MRPS25: variants seen among roughly 807,000 people sequenced by gnomAD.
MRPS25 encodes the protein mitochondrial ribosomal protein S25, also known as small ribosomal subunit protein mS25.
In MRPS25, 15 loss-of-function variants were observed where a neutral mutation model predicts 17.3. The ratio of observed to expected loss-of-function variants is 0.87; its 90% CI spans 0.58 to 1.34. MRPS25 has a LOEUF of 1.34. MRPS25 is among the 40% of genes most tolerant of loss of function. The pLI, the probability that MRPS25 is intolerant of heterozygous loss-of-function variation, is 0.00. For synonymous variants in MRPS25, 94 were observed against 83.3 expected, an observed-to-expected ratio of 1.13 and a Z score of -0.70; for missense variants, 225 against 218.6, an observed-to-expected ratio of 1.03 and a Z score of -0.19.
chr3:15,048,448 T>C (rs2042533223), downstream of MRPS25: 2 of 152,546 alleles, frequency 1.3e-5, no homozygotes, highest in Non-Finnish European at 2.9e-5. Flanking sequence ...GGGAGAAAAA[T>C]GTCAGATATT....
downstream of MRPS25, chr3:15,043,183 T>C: frequency 2.2e-6 from 1 of 456,886 alleles, no homozygotes; most frequent in Non-Finnish European, 3.7e-6. Flanking sequence ...AGTAGGATCC[T>C]TTCCTGACAT....
chr3:15,043,105 A>G (rs191787665), downstream of MRPS25: 39 of 1,177,406 alleles, frequency 3.3e-5, no homozygotes, highest in African/African-American at 5.4e-4. Flanking sequence ...AAATATTTCC[A>G]TATGTTAGCC....
rs891645719 is a variant in MRPS25, at chr3:15,048,534, TATTG to T, written c.*3903_*3906del. On this transcript the variant is annotated 3_prime_UTR_variant, in exon 4 of 4. Coordinates refer to ENST00000253686, the MANE Select transcript of MRPS25 (RefSeq NM_022497.5). ...AAATAGAAAAAAAATGTTCAACATT[TATTG>T]ATTGATAGACTGTTAAAATTTAATG... is the stretch of plus-strand genomic sequence containing the variant. The T allele has an allele frequency of 7.4e-4, 113 of 152,768 alleles. No homozygotes were observed. Among genetic ancestry groups the T allele is most frequent in the African/African-American group, 2.6e-3 (109 of 41,576 alleles). 9.5% of individuals were successfully genotyped at this position (152,768 alleles called of 1,614,324 possible).
intron 2 of MRPS25, among the ~76,000 whole-genome samples, chr3:15,054,711 T>C (rs1301522876): frequency 1.3e-5 from 2 of 152,132 alleles, no homozygotes; most frequent in African/African-American, 4.8e-5. Flanking sequence ...ACTCTATAAA[T>C]TGAAAAATCA....
rs772420860 is a variant in MRPS25, at chr3:15,065,177, G to A, written c.18C>T (p.Arg6=). MPMKG[R]FPIRRTLQYL... is the part of the protein sequence containing the mutation. ...ATTGCAGGGTGCGGCGGATGGGGAA[G>A]CGGCCCTTCATGGGCATGGCGGCAA... The change falls in exon 1 of 4, where the codon CGC becomes CGT. Residue 6 remains arginine (R), a synonymous_variant. Coordinates refer to ENST00000253686, the MANE Select transcript of MRPS25 (RefSeq NM_022497.5). 7.5e-6 allele frequency: 12 copies of A among 1,604,116 alleles called. No individual in the cohort carries two copies. Among genetic ancestry groups the A allele is most frequent in the Non-Finnish European group, 8.5e-6 (10 of 1,175,830 alleles).
chr3:15,045,082 CA>C (rs746486112), downstream of MRPS25: 1 of 152,108 alleles, frequency 6.6e-6, no homozygotes, highest in Non-Finnish European at 1.5e-5. Context: ...GACAAAAAAC[CA>C]GCTGAGACAA....
At chr3:15,064,354 A>C (rs1481982041) in intron 1 of MRPS25, among the ~76,000 whole-genome samples, 2 of 152,096 alleles carry the variant, frequency 1.3e-5, no homozygotes, top group East Asian at 3.9e-4. Context: ...CTCTGCTCCA[A>C]GCTGAAAGAC....
downstream of MRPS25, chr3:15,045,715 T>C (rs770340370): frequency 3.9e-5 from 6 of 152,660 alleles, no homozygotes; most frequent in Non-Finnish European, 5.9e-5. Flanking sequence ...AACCAAATAT[T>C]TGGGCTCCAA....
chr3:15,065,251 A>C lies in MRPS25; in HGVS notation c.-57T>G. On this transcript the variant is annotated 5_prime_UTR_variant, in exon 1 of 4. Coordinates refer to ENST00000253686, the MANE Select transcript of MRPS25 (RefSeq NM_022497.5). ...GCCGCGAGCCGAGCAGCGACGAGAA[A>C]GGACTAGCTAGCACCCGCGCGGATC... The C allele has an allele frequency of 1.3e-6, 2 of 1,515,952 alleles. No individual in the cohort carries two copies. The highest frequency in any genetic ancestry group is 1.8e-6 in the Non-Finnish European group (2 of 1,132,006). The allele number at this position is 1,515,952 out of a possible 1,614,324, so 93.9% of individuals were successfully genotyped here.
rs753017884 is a variant in MRPS25, at chr3:15,049,353, G to A, written c.*3088C>T. 6 of 154,360 alleles carry A rather than the reference G, an allele frequency of 3.9e-5. No homozygotes were observed. Among genetic ancestry groups the A allele is most frequent in the Admixed American group, 6.5e-5 (1 of 15,312 alleles). 9.6% of individuals were successfully genotyped at this position (154,360 alleles called of 1,614,324 possible). ...ACAATGCAGCGCTCTCTTGTGTTAT[G>A]GACATGAAGCATCCTGGTGGTCCTG... On this transcript the variant is annotated 3_prime_UTR_variant, in exon 4 of 4. Transcript: ENST00000253686.
At chr3:15,058,894 A>T (rs1178474685) in intron 2 of MRPS25, among the ~76,000 whole-genome samples, 1 of 151,902 alleles carries the variant, frequency 6.6e-6, no homozygotes, top group Admixed American at 6.6e-5. Context: ...GCATCGTGTA[A>T]GTGCACGCAG....
At chr3:15,055,906 T>G (rs1054713840) in intron 2 of MRPS25, among the ~76,000 whole-genome samples, 1 of 151,768 alleles carries the variant, frequency 6.6e-6, no homozygotes, top group Non-Finnish European at 1.5e-5. Flanking sequence ...AGCCCGTTTT[T>G]TTTTTTTTTT....
chr3:15,058,601 G>C (rs566872586), intron 2 of MRPS25, among the ~76,000 whole-genome samples: 8 of 152,326 alleles, frequency 5.3e-5, no homozygotes, highest in African/African-American at 1.9e-4. Flanking sequence ...CTCCGGACCA[G>C]CACCTGGTCC....
Position 15,048,525 on chromosome 3 carries a change from T to G in MRPS25, c.*3916A>C, listed in dbSNP as rs1031488347. 1.3e-5 allele frequency: 2 copies of G among 152,662 alleles called. No individual in the cohort carries two copies. Among genetic ancestry groups the G allele is most frequent in the Admixed American group, 6.5e-5 (1 of 15,290 alleles). The allele number at this position is 152,662 out of a possible 1,614,324, so 9.5% of individuals were successfully genotyped here. A position where few individuals can be genotyped will look rare whatever the true frequency, so the allele number is the denominator to read the frequency against. On this transcript the variant is annotated 3_prime_UTR_variant, in exon 4 of 4. Coordinates refer to ENST00000253686, the MANE Select transcript of MRPS25 (RefSeq NM_022497.5). ...ATACATGCAAAATAGAAAAAAAATG[T>G]TCAACATTTATTGATTGATAGACTG...
Position 15,050,501 on chromosome 3 carries a change from G to A in MRPS25, c.*1940C>T, listed in dbSNP as rs1311448918. The A allele has an allele frequency of 2.0e-6, 2 of 985,804 alleles. No individual in the cohort carries two copies. The highest frequency in any genetic ancestry group is 1.7e-5 in the African/African-American group (1 of 57,230). The allele number at this position is 985,804 out of a possible 1,614,324, so 61.1% of individuals were successfully genotyped here. On this transcript the variant is annotated 3_prime_UTR_variant, in exon 4 of 4. Coordinates refer to ENST00000253686, the MANE Select transcript of MRPS25 (RefSeq NM_022497.5). ...ATGGAGACCTACACTGCAGATGAAA[G>A]CCAAAAGGAACTAGGTGCTTTCTGA... is the stretch of plus-strand genomic sequence containing the variant.
chr3:15,045,840 A>T (rs2042430699), downstream of MRPS25: 1 of 152,280 alleles, frequency 6.6e-6, no homozygotes, highest in Non-Finnish European at 1.5e-5. Context: ...TCCCTCTTCT[A>T]CTGGCCTGGC....
intron 2 of MRPS25, 200 bp from the exon 3 acceptor site, chr3:15,053,667 T>TA (rs991839897): frequency 2.0e-5 from 13 of 634,386 alleles, no homozygotes; most frequent in African/African-American, 3.7e-5. Flanking sequence ...TTTAGATATG[T>TA]AAAAAAACAT....
downstream of MRPS25, chr3:15,042,829 T>G (rs1469147000): frequency 6.8e-6 from 11 of 1,612,954 alleles, no homozygotes; most frequent in Middle Eastern, 1.7e-4. Context: ...CACTCCCTTT[T>G]ATAGATTGGC....
rs544293525 is a variant in MRPS25 at position 15,050,338 on chromosome 3, C to T, written c.*2103G>A. On this transcript the variant is annotated 3_prime_UTR_variant, in exon 4 of 4. Coordinates refer to ENST00000253686, the MANE Select transcript of MRPS25 (RefSeq NM_022497.5). The stretch of plus-strand genomic sequence containing the variant: ...CTGAACTCAAACCCTAGTTATCTGT[C>T]CCATTAGGGACCAGACATTTATTCT... The T allele has an allele frequency of 9.4e-7, 1 of 1,066,886 alleles. No homozygotes were observed. The highest frequency in any genetic ancestry group is 2.8e-5 in the South Asian group (1 of 36,162). 66.1% of individuals were successfully genotyped at this position (1,066,886 alleles called of 1,614,324 possible).
Sources: gnomAD v4.1 joint callset for allele counts (sites outside exome capture counted in the v4.1 genomes callset) on GRCh38, gnomAD v4.1.1 for gene constraint, MANE v1.5 for transcripts, NCBI Gene and HGNC (gene_info 2026-07-23, HGNC 2026-07-21) for gene names.